The following SPECC1L variants were observed in gnomAD, a reference collection of about 807,000 sequenced individuals.
The protein encoded by SPECC1L is sperm antigen with calponin homology and coiled-coil domains 1 like.
Under a neutral mutation model 116.8 loss-of-function variants are expected in SPECC1L, and 40 were observed. The observed-to-expected ratio is 0.34, with a 90% CI of 0.27 to 0.45. The LOEUF (loss-of-function observed/expected upper bound fraction) is 0.45, where lower values mean the gene tolerates loss of function less well. Among genes scored for constraint, SPECC1L ranks in the 20% least tolerant of loss-of-function variants. The pLI, the probability that SPECC1L is intolerant of heterozygous loss-of-function variation, is 1.00. For missense variants in SPECC1L, 1,110 were observed against 1,373.6 expected (o/e 0.81, Z 3.03); for synonymous variants, 504 against 500.6 (o/e 1.01, Z -0.09).
At chr22:24,406,925 G>A (rs562980145) in intron 14 of SPECC1L, among the ~76,000 whole-genome samples, 16 of 152,332 alleles carry the variant, frequency 1.1e-4, no homozygotes, top group African/African-American at 3.8e-4. Context: ...CAGTGACGTT[G>A]GGAGCAGAGG....
intron 11 of SPECC1L, among the ~76,000 whole-genome samples, chr22:24,354,028 A>G (rs367963797): frequency 6.6e-6 from 1 of 152,230 alleles, no homozygotes; most frequent in East Asian, 1.9e-4. Context: ...GCTTACAGTC[A>G]TGGTGGAAGG....
At chr22:24,338,064 G>C (rs115364490) in intron 9 of SPECC1L, among the ~76,000 whole-genome samples, 3,750 of 152,180 alleles carry the variant, frequency 0.025, 181 homozygotes, top group African/African-American at 0.086. Context: ...CTCCTCTTGG[G>C]TTTTACTACT....
chr22:24,283,161 C>G (rs1343137605), intron 2 of SPECC1L, among the ~76,000 whole-genome samples: 5 of 152,096 alleles, frequency 3.3e-5, no homozygotes, highest in Admixed American at 3.3e-4. Context: ...TCACTGCAAG[C>G]TCCTCTTCCT....
At chr22:24,394,114 T>C (rs1048134455) in intron 14 of SPECC1L, among the ~76,000 whole-genome samples, 4 of 152,228 alleles carry the variant, frequency 2.6e-5, no homozygotes, top group Non-Finnish European at 5.9e-5. Context: ...TTTCCAGTTA[T>C]TGCTTATTGT....
At chr22:24,279,754 T>C (rs180686659) in intron 2 of SPECC1L, among the ~76,000 whole-genome samples, 15 of 152,120 alleles carry the variant, frequency 9.9e-5, no homozygotes, top group African/African-American at 3.6e-4. Flanking sequence ...GGCTAATTTT[T>C]TGTATTTTTA....
At chr22:24,318,109 C>G (rs1601545710) in intron 4 of SPECC1L, among the ~76,000 whole-genome samples, 1 of 146,582 alleles carries the variant, frequency 6.8e-6, no homozygotes, top group African/African-American at 2.8e-5. Flanking sequence ...TCCTCACTTC[C>G]CAGACGGGGT....
At chr22:24,320,480 A>G (rs1396814996) in intron 4 of SPECC1L, among the ~76,000 whole-genome samples, 2 of 152,192 alleles carry the variant, frequency 1.3e-5, no homozygotes, top group Non-Finnish European at 2.9e-5. Flanking sequence ...CATACTGGTT[A>G]AGGTGCAAAA....
intron 2 of SPECC1L, among the ~76,000 whole-genome samples, chr22:24,280,836 C>T (rs1387803037): frequency 6.6e-6 from 1 of 152,202 alleles, no homozygotes; most frequent in Non-Finnish European, 1.5e-5. Flanking sequence ...CTCCACCCTA[C>T]TCGGCCACCG....
At position 24,320,224 on chromosome 22, in the gene SPECC1L, C is replaced by T. The variant is rs748550697; in HGVS notation, c.308-1064C>T. ...CTGGGAGTCAGAGGTTGCAGTGAGC[C>T]GAAATCGCTCCACTGCACTATAGCC... On this transcript the variant is annotated intron_variant, in intron 4 of 16. Coordinates refer to ENST00000314328, the MANE Select transcript of SPECC1L (RefSeq NM_015330.6). Among the ~76,000 whole-genome samples the T allele has an allele frequency of 2.0e-5, 3 of 151,934 alleles. 1 individual carries two copies.
At chr22:24,363,063 A>T (rs1025029653) in intron 11 of SPECC1L, among the ~76,000 whole-genome samples, 198 bp from the exon 12 acceptor site, 2 of 152,212 alleles carry the variant, frequency 1.3e-5, no homozygotes, top group East Asian at 3.8e-4. Context: ...AAAACATTGA[A>T]TGGAATGTTC....
At chr22:24,357,724 G>C (rs536136988) in intron 11 of SPECC1L, among the ~76,000 whole-genome samples, 2 of 152,276 alleles carry the variant, frequency 1.3e-5, no homozygotes, top group East Asian at 3.9e-4. Flanking sequence ...GGCAGAACAG[G>C]CTTCCAGTTT....
intron 14 of SPECC1L, among the ~76,000 whole-genome samples, chr22:24,407,023 G>A (rs945289477): frequency 6.6e-6 from 1 of 152,186 alleles, no homozygotes; most frequent in African/African-American, 2.4e-5. Context: ...GGATGGGGGA[G>A]GAAGCAGAGC....
chr22:24,383,792 A>ATTTTTTTTTTTTTTTTTT, intron 14 of SPECC1L, among the ~76,000 whole-genome samples: 2 of 77,338 alleles, frequency 2.6e-5, no homozygotes, highest in Non-Finnish European at 4.7e-5. Flanking sequence ...ACCCACCACT[A>ATTTTTTTTTTTTTTTTTT]TTTTTTTTTT....
At chr22:24,367,070 T>C (rs927449995) in intron 13 of SPECC1L, among the ~76,000 whole-genome samples, 7 of 152,194 alleles carry the variant, frequency 4.6e-5, no homozygotes, top group African/African-American at 1.7e-4. Flanking sequence ...TTTGCGCACC[T>C]GCAGTCCCAG....
At chr22:24,386,599 A>ATTG (rs763661660) in intron 14 of SPECC1L, among the ~76,000 whole-genome samples, 2 of 150,580 alleles carry the variant, frequency 1.3e-5, no homozygotes, top group Non-Finnish European at 3.0e-5. Flanking sequence ...TATTATTGTT[A>ATTG]TTATTATTAT....
chr22:24,411,832 G>A, intron 15 of SPECC1L, 128 bp downstream of exon 15: 1 of 789,640 alleles, frequency 1.3e-6, no homozygotes, highest in Non-Finnish European at 2.2e-6. Context: ...TGCCATCTGG[G>A]TCTTCTGGGA....
intron 2 of SPECC1L, among the ~76,000 whole-genome samples, chr22:24,299,655 C>T (rs1014197660): frequency 5.9e-5 from 9 of 151,760 alleles, no homozygotes; most frequent in Non-Finnish European, 1.0e-4. Flanking sequence ...AGTCCTTGTT[C>T]GACTTACAAT....
At chr22:24,321,178 TG>T (rs2040714188) in intron 4 of SPECC1L, 109 bp from the exon 5 acceptor site, 2 of 1,199,542 alleles carry the variant, frequency 1.7e-6, no homozygotes, top group Non-Finnish European at 2.4e-6. Context: ...TCTAAATCAT[TG>T]TGTAGATCCT....
chr22:24,410,733 CT>C (rs1158489619), intron 14 of SPECC1L, among the ~76,000 whole-genome samples: 1 of 152,186 alleles, frequency 6.6e-6, no homozygotes, highest in Non-Finnish European at 1.5e-5. Flanking sequence ...CTCTCCTTGG[CT>C]TCTCACCATC....
Sources: allele counts gnomAD v4.1 joint callset (sites outside exome capture counted in the v4.1 genomes callset), GRCh38; gene constraint gnomAD v4.1.1; transcripts MANE v1.5; gene names NCBI Gene and HGNC (gene_info 2026-07-23, HGNC 2026-07-21).